Variants in SHLD2 observed in about 807,000 individuals in gnomAD.
The protein encoded by SHLD2 is RINN1-REV7-interacting novel NHEJ regulator 2.
Under a neutral mutation model 73.2 loss-of-function variants are expected in SHLD2, and 30 were observed. That is an observed-to-expected ratio of 0.41 (90% CI 0.31 to 0.56). The LOEUF is 0.56. Ranked by LOEUF, SHLD2 falls within the 20% of genes least tolerant of loss-of-function variation. SHLD2 has a pLI of 0.28. For missense variants in SHLD2, 745 were observed against 1,055.9 expected (o/e 0.71, Z 4.08); for synonymous variants, 285 against 370.1 (o/e 0.77, Z 2.64).
At position 87,158,172 on chromosome 10, in the gene SHLD2, A is replaced by G. The variant is rs372447614; in HGVS notation, c.1633+17A>G. The G allele has an allele frequency of 5.6e-6, 9 of 1,607,490 alleles. No homozygotes were observed. The East Asian group carries it at 1.8e-4, about 32-fold the overall frequency. Reference sequence around the variant, plus strand: ...CTGAAGAATGTAAGGCACATTTTAAATGAAGTAATGTAGTAGTGTTTAAAG... The same window carrying G: ...CTGAAGAATGTAAGGCACATTTTAAGTGAAGTAATGTAGTAGTGTTTAAAG... On this transcript the variant is annotated intron_variant, in intron 4 of 9. Coordinates refer to ENST00000298786, the MANE Select transcript of SHLD2 (RefSeq NM_001330112.2).
At chr10:87,125,312 A>C (rs935196266) in intron 2 of SHLD2, among the ~76,000 whole-genome samples, 18 of 152,310 alleles carry the variant, frequency 1.2e-4, no homozygotes, top group Non-Finnish European at 2.4e-4. Context: ...AAAGGGATCA[A>C]ATTTTTTTTT....
intron 4 of SHLD2, among the ~76,000 whole-genome samples, chr10:87,165,779 A>G (rs1159589698): frequency 2.6e-5 from 4 of 152,214 alleles, no homozygotes; most frequent in Non-Finnish European, 5.9e-5. Context: ...TTATTTAACA[A>G]TATTTAATTA....
intron 2 of SHLD2, among the ~76,000 whole-genome samples, chr10:87,149,998 C>T (rs1845896583): frequency 6.6e-6 from 1 of 152,024 alleles, no homozygotes; most frequent in Non-Finnish European, 1.5e-5. Flanking sequence ...GATCCTCCCA[C>T]CTCGGCCTCC....
intron 2 of SHLD2, among the ~76,000 whole-genome samples, chr10:87,118,578 A>G (rs1843395611): frequency 6.9e-6 from 1 of 145,188 alleles, no homozygotes; most frequent in South Asian, 2.2e-4. Context: ...TATAATCCAA[A>G]TAGCTATTTC....
chr10:87,186,043 T>C (rs1473335573), intron 8 of SHLD2, among the ~76,000 whole-genome samples: 1 of 152,094 alleles, frequency 6.6e-6, no homozygotes, highest in African/African-American at 2.4e-5. Flanking sequence ...TTTACGTTCC[T>C]TGAGTGACGG....
chr10:87,142,922 C>CT (rs71269253), intron 2 of SHLD2, among the ~76,000 whole-genome samples: 3,019 of 83,144 alleles, frequency 0.036, 167 homozygotes, highest in African/African-American at 0.081. Flanking sequence ...TTTATTTTTA[C>CT]TTTTTTTTTT....
chr10:87,114,791 T>C (rs1416707198), intron 2 of SHLD2, among the ~76,000 whole-genome samples: 1 of 152,070 alleles, frequency 6.6e-6, no homozygotes, highest in Admixed American at 6.6e-5. Context: ...AATAGCTATA[T>C]TATGACATAG....
chr10:87,160,527 T>C (rs571805845), intron 4 of SHLD2, among the ~76,000 whole-genome samples: 1 of 152,264 alleles, frequency 6.6e-6, no homozygotes, highest in African/African-American at 2.4e-5. Flanking sequence ...CATTATAATA[T>C]GATTAATACT....
intron 8 of SHLD2, among the ~76,000 whole-genome samples, chr10:87,185,057 A>C (rs1433418487): frequency 1.3e-5 from 2 of 152,136 alleles, no homozygotes; most frequent in Non-Finnish European, 1.5e-5. Context: ...AAAGCCTCAT[A>C]CTCATTAGCA....
At chr10:87,176,865 A>G (rs1307899836) in intron 7 of SHLD2, among the ~76,000 whole-genome samples, 1 of 152,224 alleles carries the variant, frequency 6.6e-6, no homozygotes, top group African/African-American at 2.4e-5. Context: ...AGAGCTCCTT[A>G]TTCCTAGTTC....
Position 87,151,802 on chromosome 10 carries a change from G to T in SHLD2, c.448G>T (p.Glu150Ter). 1.2e-6 allele frequency: 2 copies of T among 1,611,866 alleles called. No homozygotes were observed. The highest frequency in any genetic ancestry group is 2.2e-5 in the South Asian group (2 of 90,946). The part of the protein sequence containing the change: ...KLLSENKIRD[E>*]QPKHQPDICG... ...TCTCAGTGAAAATAAAATTAGAGAT[G>T]AACAGCCTAAACATCAGCCAGATAT... is the stretch of plus-strand genomic sequence containing the variant. Residue 150 changes from glutamate (E) to a stop codon, truncating the protein, a stop_gained, in exon 3 of 10, where the codon GAA (glutamate) becomes TAA (stop). Coordinates refer to ENST00000298786, the MANE Select transcript of SHLD2 (RefSeq NM_001330112.2). LOFTEE classifies it high-confidence loss of function.
At chr10:87,118,255 G>A (rs1315408789) in intron 2 of SHLD2, among the ~76,000 whole-genome samples, 2 of 152,138 alleles carry the variant, frequency 1.3e-5, no homozygotes, top group African/African-American at 2.4e-5. Flanking sequence ...ATCTTGTTTG[G>A]TTATGGAACC....
intron 8 of SHLD2, among the ~76,000 whole-genome samples, chr10:87,181,799 C>A (rs887943833): frequency 6.6e-6 from 1 of 150,854 alleles, no homozygotes; most frequent in Non-Finnish European, 1.5e-5. Flanking sequence ...GACAGAGTTT[C>A]GCTCTTGTTG....
chr10:87,141,337 G>GTT (rs200905992), intron 2 of SHLD2, among the ~76,000 whole-genome samples: 7 of 135,724 alleles, frequency 5.2e-5, no homozygotes, highest in Non-Finnish European at 8.0e-5. Context: ...GGTGTTCGGT[G>GTT]TTTTTTTTTT....
chr10:87,175,064 C>A (rs2096959137), intron 6 of SHLD2, among the ~76,000 whole-genome samples: 1 of 149,258 alleles, frequency 6.7e-6, no homozygotes, highest in Admixed American at 6.7e-5. Flanking sequence ...TTGCAGTGAG[C>A]CGAGATTGCG....
At chr10:87,158,655 ATCTT>A (rs1273259603) in intron 4 of SHLD2, among the ~76,000 whole-genome samples, 2 of 152,156 alleles carry the variant, frequency 1.3e-5, no homozygotes, top group African/African-American at 4.8e-5. Flanking sequence ...AAGAAAAGCT[ATCTT>A]TCTTCTTTAA....
intron 2 of SHLD2, among the ~76,000 whole-genome samples, chr10:87,098,995 C>T (rs753603420): frequency 1.3e-5 from 2 of 152,076 alleles, no homozygotes; most frequent in African/African-American, 4.8e-5. Flanking sequence ...AGGCTGGTCT[C>T]GAACTCCTGG....
Position 87,124,217 on chromosome 10 carries a change from A to G in SHLD2, c.-5-27133A>G, listed in dbSNP as rs185490465. Among the ~76,000 whole-genome samples the G allele has an allele frequency of 9.0e-3, 1,365 of 152,280 alleles. 17 individuals carry two copies. The highest frequency in any genetic ancestry group is 0.031 in the African/African-American group (1,296 of 41,540). On this transcript the variant is annotated intron_variant, in intron 2 of 9. Transcript: ENST00000298786. The stretch of plus-strand genomic sequence containing the variant: ...TAACATTTTTGAAAAATATTATACA[A>G]TGACCTCACATACAGTGACCTCACT...
At chr10:87,176,625 A>G (rs1445550812) in intron 7 of SHLD2, among the ~76,000 whole-genome samples, 2 of 152,278 alleles carry the variant, frequency 1.3e-5, no homozygotes, top group Non-Finnish European at 2.9e-5. Flanking sequence ...TTATATGACA[A>G]GTGGGAGCAG....
Sources: gnomAD v4.1 joint callset for allele counts (sites outside exome capture counted in the v4.1 genomes callset) on GRCh38, gnomAD v4.1.1 for gene constraint, MANE v1.5 for transcripts, NCBI Gene and HGNC (gene_info 2026-07-23, HGNC 2026-07-21) for gene names.